Variants in SSH2 observed in about 807,000 individuals in gnomAD.
SSH2 encodes slingshot protein phosphatase 2.
Under a neutral mutation model 135.2 loss-of-function variants are expected in SSH2, and 37 were observed. The observed-to-expected ratio is 0.27, with a 90% CI of 0.21 to 0.36. The LOEUF (loss-of-function observed/expected upper bound fraction) is 0.36, where lower values mean the gene tolerates loss of function less well. SSH2 is among the 10% of genes least tolerant of loss of function. The pLI is 1.00. For missense variants in SSH2, 1,408 were observed against 1,765.3 expected, an observed-to-expected ratio of 0.80 and a Z score of 3.63; for synonymous variants, 628 against 646.2, an observed-to-expected ratio of 0.97 and a Z score of 0.43.
chr17:29,637,911 C>T (rs1052471359), intron 14 of SSH2, among the ~76,000 whole-genome samples: 4 of 151,958 alleles, frequency 2.6e-5, no homozygotes, highest in Admixed American at 2.6e-4. Flanking sequence ...GTCAGGAGTT[C>T]GAGACCAGCC....
At chr17:29,759,725 A>G (rs1410124703) in intron 3 of SSH2, among the ~76,000 whole-genome samples, 1 of 152,232 alleles carries the variant, frequency 6.6e-6, no homozygotes. Flanking sequence ...CTTCAAGGTC[A>G]TTCATACTGT....
intron 2 of SSH2, among the ~76,000 whole-genome samples, chr17:29,844,054 C>CTAGGG (rs2043089909): frequency 6.6e-6 from 1 of 152,136 alleles, no homozygotes; most frequent in Non-Finnish European, 1.5e-5. Context: ...ACATTTGATT[C>CTAGGG]TAGGGGGTGG....
chr17:29,630,850 A>G lies in SSH2; in HGVS notation c.4344T>C (p.Asn1448=), dbSNP rs76770670. The change falls in exon 16 of 16, where the codon AAT becomes AAC. Residue 1448 remains asparagine (N), a synonymous_variant. Transcript: ENST00000540801. The part of the protein sequence containing the change: ...DKKRTTNPFY[N]TM ...ATGTGTAGGCTCAGAATCACATGGT[A>G]TTATAGAAGGGGTTGGTTGTCCGTT... 3,952 of 1,548,700 alleles carry G rather than the reference A, an allele frequency of 2.6e-3. 57 individuals carry two copies. The African/African-American group carries it at 0.033, about 13-fold the overall frequency.
At chr17:29,751,454 T>G (rs2040939109) in intron 3 of SSH2, among the ~76,000 whole-genome samples, 1 of 152,038 alleles carries the variant, frequency 6.6e-6, no homozygotes, top group South Asian at 2.1e-4. Context: ...GAGAGTCCAC[T>G]CTACAATACT....
intron 1 of SSH2, among the ~76,000 whole-genome samples, chr17:29,921,363 C>G (rs2066972790): frequency 6.6e-6 from 1 of 152,186 alleles, no homozygotes; most frequent in South Asian, 2.1e-4. Context: ...GGCTGTGAGA[C>G]TACACTTAAA....
intron 12 of SSH2, 105 bp downstream of exon 12, chr17:29,655,456 C>T: frequency 2.8e-6 from 3 of 1,059,728 alleles, no homozygotes; most frequent in Non-Finnish European, 4.4e-6. Context: ...TCAGATGCAA[C>T]TCTTAAGATT....
Position 29,684,599 on chromosome 17 carries a change from C to A in SSH2, c.443G>T (p.Ser148Ile). The A allele has an allele frequency of 6.2e-7, 1 of 1,612,310 alleles. No individual in the cohort carries two copies. Among genetic ancestry groups the A allele is most frequent in the Non-Finnish European group, 8.5e-7 (1 of 1,178,892 alleles). The change falls in exon 6 of 16, where the codon AGC (serine) becomes ATC (isoleucine). Residue 148 changes from serine (S) to isoleucine (I), a missense_variant. Around this residue, in one of 3 missense-constraint regions of SSH2, gnomAD observed 222 missense variants for 355.6 expected, o/e 0.62. Coordinates refer to ENST00000540801, the MANE Select transcript of SSH2 (RefSeq NM_001282129.2). ...GGAGAAATCCATTCCTAGGACGATG[C>A]TTTCTTCAGTGTCTTGTCTACCATT... The part of the protein sequence containing the change: ...STNGRQDTEE[S>I]IVLGMDFSSN...
chr17:29,880,445 T>C (rs375754380), intron 1 of SSH2, among the ~76,000 whole-genome samples: 1 of 152,160 alleles, frequency 6.6e-6, no homozygotes, highest in African/African-American at 2.4e-5. Flanking sequence ...CAGGCCCATT[T>C]TTTTCTTTAA....
At chr17:29,913,349 TATATATATATATATATATATATA>T (rs1206591624) in intron 1 of SSH2, among the ~76,000 whole-genome samples, 199 of 16,614 alleles carry the variant, frequency 0.012, 13 homozygotes, top group Non-Finnish European at 0.018. Context: ...AAAAAAAAAA[TATATATATATATATATATATATA>T]TATATATATA....
intron 4 of SSH2, among the ~76,000 whole-genome samples, chr17:29,697,944 G>A (rs1488100306): frequency 2.0e-5 from 3 of 152,106 alleles, no homozygotes; most frequent in Non-Finnish European, 4.4e-5. Flanking sequence ...CAACTCAAAT[G>A]TCTATCAAAT....
At chr17:29,816,375 T>C (rs1214796411) in intron 2 of SSH2, among the ~76,000 whole-genome samples, 1 of 152,250 alleles carries the variant, frequency 6.6e-6, no homozygotes, top group African/African-American at 2.4e-5. Flanking sequence ...AATGGGCTCC[T>C]TTAAATTTTC....
intron 1 of SSH2, among the ~76,000 whole-genome samples, chr17:29,924,525 T>C (rs1567657399): frequency 6.6e-6 from 1 of 152,164 alleles, no homozygotes. Flanking sequence ...GAATCATCAT[T>C]AGGAACGTAT....
chr17:29,664,181 G>C (rs1386335642), intron 11 of SSH2, among the ~76,000 whole-genome samples: 1 of 152,064 alleles, frequency 6.6e-6, no homozygotes, highest in Non-Finnish European at 1.5e-5. Context: ...AGGCCAGTCT[G>C]GCCGACATAA....
chr17:29,843,159 A>G (rs2043072188), intron 2 of SSH2, among the ~76,000 whole-genome samples: 1 of 152,142 alleles, frequency 6.6e-6, no homozygotes, highest in African/African-American at 2.4e-5. Context: ...CCAGCTAACC[A>G]GTTTGTTGTT....
chr17:29,913,018 C>T (rs1186716059), intron 1 of SSH2, among the ~76,000 whole-genome samples: 1 of 151,178 alleles, frequency 6.6e-6, no homozygotes, highest in Non-Finnish European at 1.5e-5. Context: ...GAACACCTAG[C>T]ATTAAAAAAA....
intron 5 of SSH2, among the ~76,000 whole-genome samples, chr17:29,688,877 C>T (rs138160938): frequency 0.023 from 3,450 of 152,080 alleles, 67 homozygotes; most frequent in Middle Eastern, 0.041. Context: ...CCTTTTAGGC[C>T]GGGCGCAGTG....
chr17:29,822,808 T>C (rs1376520293), intron 2 of SSH2, among the ~76,000 whole-genome samples: 2 of 152,192 alleles, frequency 1.3e-5, no homozygotes, highest in South Asian at 2.1e-4. Flanking sequence ...AGACTGACCA[T>C]ATTTATCACT....
At chr17:29,683,356 G>T (rs923489651) in intron 6 of SSH2, among the ~76,000 whole-genome samples, 6 of 152,206 alleles carry the variant, frequency 3.9e-5, no homozygotes, top group Admixed American at 3.3e-4. Context: ...GGTGTTGTGT[G>T]TCATCTTTCA....
intron 1 of SSH2, among the ~76,000 whole-genome samples, chr17:29,875,338 C>T (rs947616087): frequency 2.0e-5 from 3 of 152,200 alleles, no homozygotes; most frequent in Non-Finnish European, 4.4e-5. Context: ...CCTCAAGCCT[C>T]CTGTTCAGCT....
Sources: gnomAD v4.1 joint callset for allele counts (sites outside exome capture counted in the v4.1 genomes callset) on GRCh38, gnomAD v4.1.1 for gene constraint, gnomAD v4.1.1 regional missense constraint, MANE v1.5 for transcripts, NCBI Gene and HGNC (gene_info 2026-07-23, HGNC 2026-07-21) for gene names.